SYCP2L: variants seen among roughly 807,000 people sequenced by gnomAD.
SYCP2L encodes the protein synaptonemal complex protein 2 like, also known as synaptonemal complex protein 2-like.
SYCP2L carries 98 observed loss-of-function variants against 125.8 expected under a neutral mutation model. The ratio of observed to expected loss-of-function variants is 0.78; its 90% CI spans 0.66 to 0.92. SYCP2L has a LOEUF of 0.92. SYCP2L is among the 40% of genes least tolerant of loss of function. The pLI is 0.00. For missense variants in SYCP2L, 842 were observed against 936.4 expected (o/e 0.90, Z 1.32); for synonymous variants, 317 against 325.4 (o/e 0.97, Z 0.28).
chr6:10,900,022 A>C (rs962244729), intron 6 of SYCP2L, among the ~76,000 whole-genome samples: 2 of 152,116 alleles, frequency 1.3e-5, no homozygotes, highest in Non-Finnish European at 2.9e-5. Flanking sequence ...CTATATATTC[A>C]CTCTACGGTC....
At chr6:10,889,702 C>T (rs1362707762) in intron 1 of SYCP2L, among the ~76,000 whole-genome samples, 2 of 150,532 alleles carry the variant, frequency 1.3e-5, no homozygotes, top group East Asian at 2.0e-4. Context: ...CTCATTGCAA[C>T]CTCCGCGTCC....
intron 6 of SYCP2L, among the ~76,000 whole-genome samples, chr6:10,901,651 C>T (rs904079877): frequency 1.3e-5 from 2 of 152,234 alleles, no homozygotes; most frequent in African/African-American, 2.4e-5. Flanking sequence ...TCCATCCCCA[C>T]GTCATGACAA....
intron 14 of SYCP2L, 140 bp downstream of exon 14, chr6:10,913,067 C>T (rs929274201): frequency 2.0e-5 from 14 of 692,304 alleles, no homozygotes; most frequent in Middle Eastern, 3.5e-4. Flanking sequence ...ATAGAAGGTG[C>T]GCTGTCACAG....
chr6:10,931,988 G>GGCTT (rs2113359147), intron 20 of SYCP2L, among the ~76,000 whole-genome samples: 1 of 98,644 alleles, frequency 1.0e-5, no homozygotes, highest in East Asian at 3.1e-4. Context: ...AAGATTGAGG[G>GGCTT]TCTTTTTTTT....
intron 25 of SYCP2L, among the ~76,000 whole-genome samples, chr6:10,957,700 C>A (rs7745613): frequency 6.6e-6 from 1 of 151,962 alleles, no homozygotes; most frequent in Non-Finnish European, 1.5e-5. Context: ...ACATGTAGTC[C>A]CAGCTACTCA....
intron 23 of SYCP2L, among the ~76,000 whole-genome samples, chr6:10,946,575 C>A (rs577587931): frequency 1.3e-5 from 2 of 152,152 alleles, no homozygotes; most frequent in South Asian, 4.1e-4. Flanking sequence ...AACCTTTATT[C>A]TTGAATTAAA....
intron 1 of SYCP2L, 59 bp downstream of exon 1, chr6:10,887,194 G>C: frequency 6.2e-7 from 1 of 1,608,958 alleles, no homozygotes; most frequent in Non-Finnish European, 8.5e-7. Flanking sequence ...GCGCGAGGGC[G>C]CGGGGTCCCT....
intron 23 of SYCP2L, among the ~76,000 whole-genome samples, chr6:10,943,919 A>G (rs1781266015): frequency 6.6e-6 from 1 of 152,182 alleles, no homozygotes; most frequent in African/African-American, 2.4e-5. Flanking sequence ...ATGCAGTTAC[A>G]TGAAAATACC....
At chr6:10,962,056 A>G (rs558404341) in intron 28 of SYCP2L, among the ~76,000 whole-genome samples, 10 of 152,316 alleles carry the variant, frequency 6.6e-5, no homozygotes, top group Non-Finnish European at 1.2e-4. Context: ...CATTTGGGAT[A>G]TCGTCCCATC....
intron 24 of SYCP2L, among the ~76,000 whole-genome samples, chr6:10,955,809 A>G (rs1781494917): frequency 6.6e-6 from 1 of 152,204 alleles, no homozygotes; most frequent in Non-Finnish European, 1.5e-5. Flanking sequence ...GAACAGCACC[A>G]GACCCCTTGC....
intron 1 of SYCP2L, among the ~76,000 whole-genome samples, chr6:10,887,583 A>T (rs544831175): frequency 6.6e-6 from 1 of 152,228 alleles, no homozygotes; most frequent in East Asian, 1.9e-4. Context: ...TAAATAATAA[A>T]AAAAAACACA....
chr6:10,926,324 T>C lies in SYCP2L; in HGVS notation c.1219-15T>C. 1 of 1,598,166 alleles carries C rather than the reference T, an allele frequency of 6.3e-7. No individual in the cohort carries two copies. Among genetic ancestry groups the C allele is most frequent in the South Asian group, 1.1e-5 (1 of 89,554 alleles). ...ATGACTACATTTCAAAGTTGACCTTTGTCTTGCATTTCAGATGTTGCCTGA... is the reference window on the plus strand; with the variant it reads ...ATGACTACATTTCAAAGTTGACCTTCGTCTTGCATTTCAGATGTTGCCTGA... On this transcript the variant is annotated splice_polypyrimidine_tract_variant and intron_variant, in intron 15 of 29. Transcript: ENST00000283141.
chr6:10,927,700 A>G (rs1780922098), intron 17 of SYCP2L, among the ~76,000 whole-genome samples: 2 of 152,214 alleles, frequency 1.3e-5, no homozygotes, highest in South Asian at 2.1e-4. Context: ...ATTGTCATCA[A>G]TAACATCGTA....
intron 28 of SYCP2L, chr6:10,963,481 A>G: frequency 2.9e-6 from 1 of 339,764 alleles, no homozygotes; most frequent in South Asian, 3.2e-5. Context: ...TATCCCTCAG[A>G]CTGGATTATT....
intron 18 of SYCP2L, 151 bp downstream of exon 18, chr6:10,928,601 T>A: frequency 9.0e-7 from 1 of 1,110,118 alleles, no homozygotes; most frequent in Non-Finnish European, 1.2e-6. Context: ...CCTTGTTCTG[T>A]CATCATAGCT....
At chr6:10,930,231 T>C in intron 18 of SYCP2L, 139 bp from the exon 19 acceptor site, 1 of 803,002 alleles carries the variant, frequency 1.2e-6, no homozygotes, top group Non-Finnish European at 1.9e-6. Flanking sequence ...CCATACTTCT[T>C]TGCTTTTATA....
chr6:10,928,012 G>A (rs968934822), intron 17 of SYCP2L, among the ~76,000 whole-genome samples: 2 of 152,162 alleles, frequency 1.3e-5, no homozygotes, highest in Non-Finnish European at 2.9e-5. Context: ...CAGAGTTTAA[G>A]GTTATCTCTC....
At chr6:10,927,095 C>T (rs1780911338) in intron 16 of SYCP2L, 145 bp from the exon 17 acceptor site, 1 of 1,400,510 alleles carries the variant, frequency 7.1e-7, no homozygotes, top group Non-Finnish European at 9.4e-7. Flanking sequence ...CCATAGCTTT[C>T]TGATTGGAGG....
intron 17 of SYCP2L, among the ~76,000 whole-genome samples, chr6:10,927,836 T>C (rs1780925030): frequency 6.6e-6 from 1 of 152,050 alleles, no homozygotes; most frequent in African/African-American, 2.4e-5. Flanking sequence ...GTCTCGACCA[T>C]AGAAGATGGT....
Sources: gnomAD v4.1 joint callset for allele counts (sites outside exome capture counted in the v4.1 genomes callset) on GRCh38, gnomAD v4.1.1 for gene constraint, MANE v1.5 for transcripts, NCBI Gene and HGNC (gene_info 2026-07-23, HGNC 2026-07-21) for gene names.